Variants in CSMD1 observed in about 807,000 individuals in gnomAD.
CSMD1 encodes the protein CUB and sushi domain-containing protein 1.
A neutral mutation model predicts 417.5 loss-of-function variants in CSMD1; 213 were observed. That is an observed-to-expected ratio of 0.51 (90% CI 0.46 to 0.57). The LOEUF (loss-of-function observed/expected upper bound fraction) is 0.57, where lower values mean the gene tolerates loss of function less well. Among genes scored for constraint, CSMD1 ranks in the 20% least tolerant of loss-of-function variants. CSMD1 has a pLI of 0.00. For synonymous variants in CSMD1, 2,862 were observed against 1,736.8 expected, an observed-to-expected ratio of 1.65 and a Z score of -16.11; for missense variants, 6,923 against 4,529.7, an observed-to-expected ratio of 1.53 and a Z score of -15.17.
rs1385952790 is a variant in CSMD1 at position 4,370,658 on chromosome 8, C to T, written c.415+49295G>A. 2.6e-5 allele frequency among the ~76,000 whole-genome samples: 4 copies of T among 152,136 alleles called. No individual in the cohort carries two copies. In the South Asian group the frequency reaches 6.2e-4, roughly 24 times the overall value. ...AAAATTCATTTTTAATTTTTGTATG[C>T]TCACGTTGCTTCAAAGGAGTGGTGT... is the stretch of plus-strand genomic sequence containing the variant. On this transcript the variant is annotated intron_variant, in intron 3 of 69. Transcript: ENST00000635120.
intron 5 of CSMD1, among the ~76,000 whole-genome samples, chr8:3,848,089 C>T (rs184985489): frequency 6.6e-6 from 1 of 151,622 alleles, no homozygotes; most frequent in Admixed American, 6.6e-5. Flanking sequence ...CTCTCTCTCT[C>T]TAAATATATA....
At chr8:3,456,964 C>A (rs867179666) in intron 12 of CSMD1, among the ~76,000 whole-genome samples, 3 of 151,998 alleles carry the variant, frequency 2.0e-5, no homozygotes, top group Non-Finnish European at 2.9e-5. Flanking sequence ...CACCCTCATC[C>A]TGCACTTCCT....
rs916335211 is a variant in CSMD1 at position 2,936,912 on chromosome 8, A to G, written c.*1673T>C. On this transcript the variant is annotated 3_prime_UTR_variant, in exon 70 of 70. Coordinates refer to ENST00000635120, the MANE Select transcript of CSMD1 (RefSeq NM_033225.6). ...GTTCACTCCGACAACGTGAAGGCCA[A>G]TTTGAACATTCTGACATTTCTATTA... 8 of 152,374 alleles carry G rather than the reference A, an allele frequency of 5.3e-5. No individual in the cohort carries two copies. The South Asian group carries it at 8.3e-4, about 16-fold the overall frequency. The allele number at this position is 152,374 out of a possible 1,614,324, so 9.4% of individuals were successfully genotyped here. A position where few individuals can be genotyped will look rare whatever the true frequency, so the allele number is the denominator to read the frequency against.
chr8:3,696,825 A>C (rs1391909048), intron 7 of CSMD1, among the ~76,000 whole-genome samples: 1 of 152,230 alleles, frequency 6.6e-6, no homozygotes, highest in African/African-American at 2.4e-5. Flanking sequence ...TTTGAATTAA[A>C]ATGTATTCCC....
At chr8:3,764,993 C>T (rs537897984) in intron 5 of CSMD1, among the ~76,000 whole-genome samples, 15 of 152,198 alleles carry the variant, frequency 9.9e-5, no homozygotes, top group African/African-American at 3.6e-4. Flanking sequence ...GATCTGCCCA[C>T]TTCGGCCTCC....
intron 12 of CSMD1, among the ~76,000 whole-genome samples, chr8:3,419,757 A>G (rs1056547249): frequency 1.3e-5 from 2 of 152,258 alleles, no homozygotes; most frequent in African/African-American, 4.8e-5. Flanking sequence ...CTGCATATCT[A>G]GATTCATTAA....
chr8:3,985,852 TG>T (rs1814285175), intron 5 of CSMD1, among the ~76,000 whole-genome samples: 2 of 151,954 alleles, frequency 1.3e-5, no homozygotes, highest in South Asian at 4.2e-4. Flanking sequence ...ACCCTAGGTC[TG>T]TCTGAGCATC....
chr8:3,624,136 T>C (rs1273023500), intron 7 of CSMD1, among the ~76,000 whole-genome samples: 1 of 152,160 alleles, frequency 6.6e-6, no homozygotes, highest in African/African-American at 2.4e-5. Flanking sequence ...TAAAATTTAA[T>C]TAATAATAAA....
At chr8:3,641,243 A>G (rs1797291573) in intron 7 of CSMD1, among the ~76,000 whole-genome samples, 3 of 151,924 alleles carry the variant, frequency 2.0e-5, no homozygotes, top group Admixed American at 1.3e-4. Context: ...TCTGTGACTC[A>G]TGGGTCCCTG....
chr8:3,662,506 G>T (rs1563246827), intron 7 of CSMD1, among the ~76,000 whole-genome samples: 1 of 152,160 alleles, frequency 6.6e-6, no homozygotes, highest in Non-Finnish European at 1.5e-5. Flanking sequence ...ACATATGTGT[G>T]CATGTGTCTT....
chr8:2,936,773 C>A lies in CSMD1; in HGVS notation c.*1812G>T, dbSNP rs933168019. ...AATGTCCGAATCAAAACGCGTGACT[C>A]TCCAAAGAATGCCCCATTTTCCTGA... is the stretch of plus-strand genomic sequence containing the variant. On this transcript the variant is annotated 3_prime_UTR_variant, in exon 70 of 70. Transcript: ENST00000635120. 6.6e-6 allele frequency: 1 copy of A among 152,232 alleles called. No individual in the cohort carries two copies. The highest frequency in any genetic ancestry group is 1.5e-5 in the Non-Finnish European group (1 of 68,062). 9.4% of individuals were successfully genotyped at this position (152,232 alleles called of 1,614,324 possible).
intron 5 of CSMD1, among the ~76,000 whole-genome samples, chr8:3,787,535 C>A (rs537021369): frequency 9.7e-4 from 148 of 152,218 alleles, no homozygotes; most frequent in Non-Finnish European, 1.5e-3. Flanking sequence ...AGAAAATATT[C>A]ATATCCATGA....
Position 4,170,255 on chromosome 8 carries a change from A to C in CSMD1, c.416-138156T>G, listed in dbSNP as rs186749070. ...TTCCCCATCTCTCTTTCTCTTTTTG[A>C]ATTACCCCCTTGCCTTGGGTAGAGT... On this transcript the variant is annotated intron_variant, in intron 3 of 69. Coordinates refer to ENST00000635120, the MANE Select transcript of CSMD1 (RefSeq NM_033225.6). 2.4e-3 allele frequency among the ~76,000 whole-genome samples: 371 copies of C among 151,852 alleles called. 3 individuals carry two copies. Among genetic ancestry groups the C allele is most frequent in the Non-Finnish European group, 4.3e-3 (290 of 68,004 alleles).
chr8:4,596,833 G>C (rs569481287), intron 2 of CSMD1, among the ~76,000 whole-genome samples: 3 of 152,170 alleles, frequency 2.0e-5, no homozygotes, highest in Admixed American at 2.0e-4. Context: ...GAGGGACCCA[G>C]GGGGAGGTAA....
rs1297003561 is a variant in CSMD1 at position 3,219,319 on chromosome 8, G to A, written c.4608C>T (p.Ser1536=). The A allele has an allele frequency of 6.3e-7, 1 of 1,587,902 alleles. No homozygotes were observed. Among genetic ancestry groups the A allele is most frequent in the South Asian group, 1.1e-5 (1 of 87,190 alleles). Residue 1536 remains serine (S), a synonymous_variant, in exon 29 of 70, where the codon AGC becomes AGT. Transcript: ENST00000635120. ...APERIESSGN[S]LFLAFRSDAS... ...CATCACTCCGAAATGCCAGAAACAGGCTGTTTCCGCTACTCTCTATTCTTT... is the reference window on the plus strand; with the variant it reads ...CATCACTCCGAAATGCCAGAAACAGACTGTTTCCGCTACTCTCTATTCTTT...
chr8:4,731,182 A>C (rs913764496), intron 1 of CSMD1, among the ~76,000 whole-genome samples: 3 of 152,202 alleles, frequency 2.0e-5, no homozygotes, highest in African/African-American at 7.2e-5. Flanking sequence ...AAAGTTAAAG[A>C]GAAATTCCAC....
rs374756175 is a variant in CSMD1, at chr8:3,451,213, T to C, written c.1561+17499A>G. Reference sequence around the variant, plus strand: ...TGAGTTCATTGTAGATTCTGGATATTAGCCCTTTGTCAGATGAGTACATTG... The same window carrying C: ...TGAGTTCATTGTAGATTCTGGATATCAGCCCTTTGTCAGATGAGTACATTG... On this transcript the variant is annotated intron_variant, in intron 12 of 69. Transcript: ENST00000635120. Among the ~76,000 whole-genome samples, 4 of 152,238 alleles carry C rather than the reference T, an allele frequency of 2.6e-5. No homozygotes were observed. In the East Asian group the frequency reaches 5.8e-4, roughly 22 times the overall value.
intron 40 of CSMD1, among the ~76,000 whole-genome samples, chr8:3,146,046 T>A (rs1341075687): frequency 6.6e-6 from 1 of 152,204 alleles, no homozygotes; most frequent in Non-Finnish European, 1.5e-5. Flanking sequence ...TAATAAAATA[T>A]AGCAAAAGTG....
chr8:3,407,486 T>A (rs1563355996), intron 14 of CSMD1, among the ~76,000 whole-genome samples: 1 of 151,400 alleles, frequency 6.6e-6, no homozygotes, highest in African/African-American at 2.4e-5. Flanking sequence ...GATGCATGGA[T>A]GGATGAAATG....
Sources: gnomAD v4.1 joint callset for allele counts (sites outside exome capture counted in the v4.1 genomes callset) on GRCh38, gnomAD v4.1.1 for gene constraint, MANE v1.5 for transcripts, NCBI Gene and HGNC (gene_info 2026-07-23, HGNC 2026-07-21) for gene names.